Variants in CDK14 observed in about 807,000 individuals in gnomAD.
CDK14 encodes cyclin dependent kinase 14, also known as cyclin-dependent kinase 14.
In CDK14, 34 loss-of-function variants were observed where a neutral mutation model predicts 60.7. The observed-to-expected ratio is 0.56, with a 90% CI of 0.43 to 0.75. The LOEUF is 0.75. Ranked by LOEUF, CDK14 falls within the 30% of genes least tolerant of loss-of-function variation. CDK14 has a pLI of 0.00. For synonymous variants in CDK14, 197 were observed against 203.7 expected (o/e 0.97, Z 0.28); for missense variants, 482 against 564.1 (o/e 0.85, Z 1.47).
intron 3 of CDK14, among the ~76,000 whole-genome samples, chr7:90,747,002 G>A (rs1000387739): frequency 1.3e-5 from 2 of 152,060 alleles, no homozygotes; most frequent in African/African-American, 4.8e-5. Context: ...AATATTTTCA[G>A]CTTTGTCAGC....
intron 11 of CDK14, among the ~76,000 whole-genome samples, chr7:91,061,449 G>C (rs982318780): frequency 6.6e-6 from 1 of 152,224 alleles, no homozygotes; most frequent in Non-Finnish European, 1.5e-5. Context: ...GTGAGGAACT[G>C]CGTTCCTTTG....
chr7:90,727,249 A>G (rs893568516), intron 3 of CDK14, among the ~76,000 whole-genome samples: 1 of 152,066 alleles, frequency 6.6e-6, no homozygotes, highest in African/African-American at 2.4e-5. Context: ...GGGGTACTCC[A>G]CCAGTCTTTC....
At chr7:90,659,875 C>CTCTCTG (rs1235758434) in intron 2 of CDK14, among the ~76,000 whole-genome samples, 33 of 129,044 alleles carry the variant, frequency 2.6e-4, no homozygotes, top group Non-Finnish European at 4.3e-4. Context: ...CTCTCTCTCT[C>CTCTCTG]TGTGTGTGTG....
At chr7:91,164,410 C>T (rs1423505503) in intron 14 of CDK14, among the ~76,000 whole-genome samples, 1 of 152,066 alleles carries the variant, frequency 6.6e-6, no homozygotes, top group Admixed American at 6.5e-5. Flanking sequence ...TATCGTCAGC[C>T]CCATTTACCA....
intron 2 of CDK14, among the ~76,000 whole-genome samples, chr7:90,651,881 G>A (rs997836050): frequency 7.2e-5 from 11 of 152,038 alleles, no homozygotes; most frequent in Non-Finnish European, 7.4e-5. Context: ...GAGTAGTTTG[G>A]TTCAGTCTGT....
intron 10 of CDK14, among the ~76,000 whole-genome samples, chr7:90,996,357 A>G (rs1795680926): frequency 6.6e-6 from 1 of 152,218 alleles, no homozygotes; most frequent in Admixed American, 6.5e-5. Context: ...GCATGAGTTC[A>G]TTTAAAACCT....
intron 10 of CDK14, among the ~76,000 whole-genome samples, chr7:90,992,347 A>C (rs960490373): frequency 6.6e-6 from 1 of 152,230 alleles, no homozygotes; most frequent in Non-Finnish European, 1.5e-5. Context: ...ATAAAATGGA[A>C]AATGAGAACA....
intron 2 of CDK14, among the ~76,000 whole-genome samples, chr7:90,644,045 C>T (rs1005689032): frequency 6.6e-6 from 1 of 152,132 alleles, no homozygotes; most frequent in Non-Finnish European, 1.5e-5. Flanking sequence ...GGGCCCTGAT[C>T]TAATTGGGTT....
At chr7:91,193,815 C>G (rs1056405033) in intron 14 of CDK14, among the ~76,000 whole-genome samples, 3 of 151,974 alleles carry the variant, frequency 2.0e-5, no homozygotes, top group Admixed American at 6.6e-5. Context: ...ATCAAGATAG[C>G]CCTCCAGTGA....
intron 8 of CDK14, among the ~76,000 whole-genome samples, chr7:90,946,724 T>C (rs1241053423): frequency 6.6e-6 from 1 of 152,220 alleles, no homozygotes; most frequent in East Asian, 1.9e-4. Context: ...TTCAGTGTTA[T>C]TTATTACATG....
intron 9 of CDK14, among the ~76,000 whole-genome samples, chr7:90,968,552 T>C (rs989970493): frequency 6.6e-6 from 1 of 152,162 alleles, no homozygotes; most frequent in Non-Finnish European, 1.5e-5. Flanking sequence ...GTTTATATAA[T>C]TGAATTTTCA....
At chr7:91,153,166 C>T (rs925516857) in intron 14 of CDK14, among the ~76,000 whole-genome samples, 4 of 152,140 alleles carry the variant, frequency 2.6e-5, no homozygotes, top group Non-Finnish European at 5.9e-5. Flanking sequence ...ACAAGAAGCC[C>T]TAGACTCAGG....
At position 91,169,585 on chromosome 7, in the gene CDK14, C is replaced by G. The variant is rs183771457; in HGVS notation, c.*29-37580C>G. Among the ~76,000 whole-genome samples the G allele has an allele frequency of 2.0e-5, 3 of 152,274 alleles. No homozygotes were observed. In the East Asian group the frequency reaches 5.8e-4, roughly 29 times the overall value. ...AAAACAAAATAATACACACAGTAAGCCTGGTCTTGTTCACACTTATTTGAG... is the reference window on the plus strand; with the variant it reads ...AAAACAAAATAATACACACAGTAAGGCTGGTCTTGTTCACACTTATTTGAG... On this transcript the variant is annotated intron_variant, in intron 14 of 14. Transcript: ENST00000380050.
At position 90,776,523 on chromosome 7, in the gene CDK14, C is replaced by A. The variant is rs543467707; in HGVS notation, c.465-14050C>A. Among the ~76,000 whole-genome samples the A allele has an allele frequency of 3.3e-5, 5 of 152,204 alleles. No homozygotes were observed. In the East Asian group the frequency reaches 7.7e-4, roughly 24 times the overall value. On this transcript the variant is annotated intron_variant, in intron 4 of 14. Coordinates refer to ENST00000380050, the MANE Select transcript of CDK14 (RefSeq NM_001287135.2). Reference sequence around the variant, plus strand: ...TGAGAGAAGTGGAAGAATTAGAAACCGAGTGTGAGCTCGGCTTTAAAGTTC... The same window carrying A: ...TGAGAGAAGTGGAAGAATTAGAAACAGAGTGTGAGCTCGGCTTTAAAGTTC...
At chr7:90,675,195 AG>A (rs1441040559) in intron 2 of CDK14, among the ~76,000 whole-genome samples, 1 of 151,950 alleles carries the variant, frequency 6.6e-6, no homozygotes, top group Non-Finnish European at 1.5e-5. Flanking sequence ...TTTCCTATAT[AG>A]TAGGGATTTT....
rs1229807116 is a variant in CDK14 at position 91,112,678 on chromosome 7, G to A, written c.1291G>A (p.Asp431Asn). 16 of 1,613,326 alleles carry A rather than the reference G, an allele frequency of 9.9e-6. No homozygotes were observed. The East Asian group carries it at 2.2e-4, about 22-fold the overall frequency. Residue 431 changes from aspartate to asparagine, a missense_variant, in exon 13 of 15, where the codon GAC (aspartate) becomes AAC (asparagine). Coordinates refer to ENST00000380050, the MANE Select transcript of CDK14 (RefSeq NM_001287135.2). ...DLPPRLWELT[D>N]MSSIFTVPNV... ...GCCGCCACGGCTATGGGAACTCACC[G>A]ACAGTGAGTATGACAAATCCACAAC...
At chr7:91,110,898 T>A (rs1799450963) in intron 12 of CDK14, among the ~76,000 whole-genome samples, 1 of 152,190 alleles carries the variant, frequency 6.6e-6, no homozygotes, top group Non-Finnish European at 1.5e-5. Flanking sequence ...TTTGATTTTT[T>A]AAAAATATGA....
intron 5 of CDK14, among the ~76,000 whole-genome samples, chr7:90,838,049 G>A (rs1389805208): frequency 6.6e-6 from 1 of 152,118 alleles, no homozygotes; most frequent in Non-Finnish European, 1.5e-5. Context: ...CGGGTATGAC[G>A]GTGGTCGAGT....
chr7:90,633,323 G>A (rs1800048071), intron 2 of CDK14, among the ~76,000 whole-genome samples: 1 of 152,106 alleles, frequency 6.6e-6, no homozygotes, highest in Admixed American at 6.5e-5. Flanking sequence ...TGATAAAAGT[G>A]AGCATTTTGG....
Sources: allele counts gnomAD v4.1 joint callset (sites outside exome capture counted in the v4.1 genomes callset), GRCh38; gene constraint gnomAD v4.1.1; transcripts MANE v1.5; gene names NCBI Gene and HGNC (gene_info 2026-07-23, HGNC 2026-07-21).